Variants in PRDM10 observed in about 807,000 individuals in gnomAD.
PRDM10 encodes the protein PR/SET domain 10.
In PRDM10, 65 loss-of-function variants were observed where a neutral mutation model predicts 133.1. The ratio of observed to expected loss-of-function variants is 0.49; its 90% CI spans 0.40 to 0.60. The LOEUF (loss-of-function observed/expected upper bound fraction) is 0.60. PRDM10 is among the 20% of genes least tolerant of loss of function. The pLI, the probability that PRDM10 is intolerant of heterozygous loss-of-function variation, is 0.00. For synonymous variants in PRDM10, 582 were observed against 580.4 expected, an observed-to-expected ratio of 1.00 and a Z score of -0.04; for missense variants, 1,137 against 1,507.1, an observed-to-expected ratio of 0.75 and a Z score of 4.07.
intron 4 of PRDM10, among the ~76,000 whole-genome samples, chr11:129,950,800 T>C (rs1392799944): frequency 6.6e-6 from 1 of 152,218 alleles, no homozygotes; most frequent in Admixed American, 6.5e-5. Context: ...AATTCAGCAA[T>C]TCAGTTATTC....
In PRDM10 at chr11:129,902,052, C is replaced by G; in HGVS notation, c.*261G>C. On this transcript the variant is annotated 3_prime_UTR_variant, in exon 21 of 21. Transcript: ENST00000360871. The stretch of plus-strand genomic sequence containing the variant: ...GTATGTTAAAAGACCAGCTCAAGAG[C>G]AAGGCAAATTCTCTCCACCTCGAAA... 2.2e-6 allele frequency: 1 copy of G among 448,018 alleles called. No individual in the cohort carries two copies. 27.8% of individuals were successfully genotyped at this position (448,018 alleles called of 1,614,324 possible). A position where few individuals can be genotyped will look rare whatever the true frequency, so the allele number is the denominator to read the frequency against.
Position 129,924,866 on chromosome 11 carries a change from A to G in PRDM10, c.1878+16T>C, listed in dbSNP as rs1950627806. 1 of 1,556,178 alleles carries G rather than the reference A, an allele frequency of 6.4e-7. No homozygotes were observed. Among genetic ancestry groups the G allele is most frequent in the African/African-American group, 1.4e-5 (1 of 72,840 alleles). On this transcript the variant is annotated intron_variant, in intron 12 of 20. Transcript: ENST00000360871. ...AAAGAAGGAAGCAGACAGGAATCTC[A>G]GTAGTAGACACTCACCTGGATAAAA...
At chr11:129,995,824 T>C (rs1939032330) in intron 1 of PRDM10, among the ~76,000 whole-genome samples, 1 of 152,104 alleles carries the variant, frequency 6.6e-6, no homozygotes. Context: ...CGGGCTCCTG[T>C]AATCCCAGCT....
intron 1 of PRDM10, among the ~76,000 whole-genome samples, chr11:129,980,776 T>C (rs1282390722): frequency 6.7e-6 from 1 of 149,754 alleles, no homozygotes; most frequent in Non-Finnish European, 1.5e-5. Flanking sequence ...GGGAAATCTA[T>C]AAAGACAGGA....
intron 9 of PRDM10, among the ~76,000 whole-genome samples, chr11:129,933,024 T>C (rs1950919540): frequency 6.6e-6 from 1 of 152,136 alleles, no homozygotes. Flanking sequence ...CCTCCCAAAG[T>C]GCGGGGATTA....
At position 129,968,296 on chromosome 11, in the gene PRDM10, A is replaced by C. The variant is rs974866212; in HGVS notation, c.-118-7214T>G. Among the ~76,000 whole-genome samples the C allele has an allele frequency of 2.0e-5, 3 of 152,214 alleles. No individual in the cohort carries two copies. In the South Asian group the frequency reaches 6.2e-4, roughly 32 times the overall value. On this transcript the variant is annotated intron_variant, in intron 1 of 20. Coordinates refer to ENST00000360871, the MANE Select transcript of PRDM10 (RefSeq NM_199437.2). Reference sequence around the variant, plus strand: ...CATTCCAGACAATGCACTTACAAATAAACTTTTCCGGCTCATTATGAACTA... The same window carrying C: ...CATTCCAGACAATGCACTTACAAATCAACTTTTCCGGCTCATTATGAACTA...
intron 6 of PRDM10, among the ~76,000 whole-genome samples, chr11:129,944,534 G>A (rs1190910705): frequency 2.7e-5 from 4 of 150,210 alleles, no homozygotes; most frequent in Non-Finnish European, 5.9e-5. Flanking sequence ...GCAGTGAGCC[G>A]AGATCGCGCC....
chr11:129,979,333 C>A (rs1368881849), intron 1 of PRDM10, among the ~76,000 whole-genome samples: 1 of 152,108 alleles, frequency 6.6e-6, no homozygotes, highest in African/African-American at 2.4e-5. Context: ...TCCACTAACA[C>A]CCAGAAGCTC....
intron 18 of PRDM10, 114 bp from the exon 19 acceptor site, chr11:129,910,770 T>C (rs955473446): frequency 3.0e-6 from 3 of 1,003,820 alleles, no homozygotes; most frequent in Non-Finnish European, 4.1e-6. Flanking sequence ...ACTGAAACTA[T>C]CGTTGCTATT....
chr11:129,959,428 C>T (rs78690679), intron 2 of PRDM10, among the ~76,000 whole-genome samples: 1,779 of 152,248 alleles, frequency 0.012, 33 homozygotes, highest in African/African-American at 0.04. Context: ...AAACATGTTT[C>T]CTCCAGACAA....
chr11:129,967,758 G>A (rs1353228692), intron 1 of PRDM10, among the ~76,000 whole-genome samples: 1 of 152,144 alleles, frequency 6.6e-6, no homozygotes, highest in Non-Finnish European at 1.5e-5. Context: ...AGAGTGAGGG[G>A]AATTAGGAAG....
intron 1 of PRDM10, among the ~76,000 whole-genome samples, chr11:129,975,083 T>C (rs4936089): frequency 0.46 from 69,329 of 151,836 alleles, 18,791 homozygotes; most frequent in African/African-American, 0.74. Context: ...CTTTGGAAAA[T>C]GGGTGATGGT....
intron 2 of PRDM10, among the ~76,000 whole-genome samples, chr11:129,958,988 C>A (rs1565496055): frequency 6.6e-6 from 1 of 152,192 alleles, no homozygotes; most frequent in African/African-American, 2.4e-5. Flanking sequence ...TATTGAAGGT[C>A]TGGAAGCAGA....
chr11:129,950,319 C>G (rs1951550098), intron 4 of PRDM10, among the ~76,000 whole-genome samples: 1 of 152,116 alleles, frequency 6.6e-6, no homozygotes, highest in Non-Finnish European at 1.5e-5. Flanking sequence ...AAGAGCGTTA[C>G]CCAACATTTG....
intron 1 of PRDM10, among the ~76,000 whole-genome samples, chr11:129,961,690 C>T (rs192096940): frequency 3.9e-5 from 6 of 152,094 alleles, no homozygotes; most frequent in Admixed American, 3.9e-4. Context: ...GGTGAGACCC[C>T]ATCTCTATTT....
intron 1 of PRDM10, among the ~76,000 whole-genome samples, chr11:129,994,325 C>A (rs879410831): frequency 6.6e-6 from 1 of 151,810 alleles, no homozygotes; most frequent in Admixed American, 6.6e-5. Flanking sequence ...ATTAGCCAGG[C>A]GTGGTGGTGG....
At chr11:129,914,561 G>A (rs2241575) in intron 17 of PRDM10, 143 bp downstream of exon 17, 369,396 of 1,111,542 alleles carry the variant, frequency 0.33, 63,735 homozygotes, top group Middle Eastern at 0.39. Flanking sequence ...AGCCTGAAAG[G>A]GGAAGGGGCA....
At chr11:129,912,703 G>C (rs1206111333) in intron 17 of PRDM10, among the ~76,000 whole-genome samples, 1 of 147,684 alleles carries the variant, frequency 6.8e-6, no homozygotes, top group African/African-American at 2.5e-5. Context: ...AGTGAGCTGG[G>C]ATTGCACCAC....
intron 9 of PRDM10, among the ~76,000 whole-genome samples, chr11:129,934,455 G>A (rs1323408887): frequency 6.6e-6 from 1 of 151,886 alleles, no homozygotes; most frequent in Admixed American, 6.5e-5. Context: ...CCAAACTATT[G>A]TGATAGATGC....
Sources: gnomAD v4.1 joint callset for allele counts (sites outside exome capture counted in the v4.1 genomes callset) on GRCh38, gnomAD v4.1.1 for gene constraint, MANE v1.5 for transcripts, NCBI Gene and HGNC (gene_info 2026-07-23, HGNC 2026-07-21) for gene names.